RFTN1: variants seen among roughly 807,000 people sequenced by gnomAD.
RFTN1 encodes raftlin, lipid raft linker 1.
RFTN1 carries 26 observed loss-of-function variants against 46.5 expected under a neutral mutation model. That is an observed-to-expected ratio of 0.56 (90% CI 0.41 to 0.78). The LOEUF is 0.78. Ranked by LOEUF, RFTN1 falls within the 30% of genes least tolerant of loss-of-function variation. RFTN1 has a pLI of 0.00. For missense variants in RFTN1, 693 were observed against 718.7 expected (o/e 0.96, Z 0.41); for synonymous variants, 261 against 284.2 (o/e 0.92, Z 0.82).
intron 6 of RFTN1, among the ~76,000 whole-genome samples, chr3:16,362,473 T>C (rs2072896856): frequency 6.6e-6 from 1 of 152,114 alleles, no homozygotes; most frequent in Non-Finnish European, 1.5e-5. Context: ...AGCTTACTTT[T>C]TAAGTCCTGG....
Position 16,346,892 on chromosome 3 carries a change from C to A in RFTN1, c.1146+11040G>T, listed in dbSNP as rs990055915. On this transcript the variant is annotated intron_variant, in intron 7 of 9. Coordinates refer to ENST00000334133, the MANE Select transcript of RFTN1 (RefSeq NM_015150.2). The surrounding 1 kb of genome is among the most constrained non-coding windows in gnomAD (Gnocchi z 4.4). ...GCAACATCTGGATCCCTGGTGGCAT[C>A]TTTAAGCTGTTGACAAAGCTGACTC... Among the ~76,000 whole-genome samples, 1 of 152,254 alleles carries A rather than the reference C, an allele frequency of 6.6e-6. No homozygotes were observed. Among genetic ancestry groups the A allele is most frequent in the Non-Finnish European group, 1.5e-5 (1 of 68,024 alleles).
At chr3:16,434,696 G>C (rs947115665) in intron 2 of RFTN1, 20 of 151,934 alleles carry the variant, frequency 1.3e-4, no homozygotes, top group African/African-American at 4.6e-4. Flanking sequence ...GAAGGGAAAA[G>C]AAGAAAAATA....
At position 16,370,285 on chromosome 3, in the gene RFTN1, G is replaced by A; in HGVS notation, c.827-6C>T. On this transcript the variant is annotated splice_polypyrimidine_tract_variant and splice_region_variant and intron_variant, in intron 5 of 9. Coordinates refer to ENST00000334133, the MANE Select transcript of RFTN1 (RefSeq NM_015150.2). The surrounding 1 kb of genome is among the most constrained non-coding windows in gnomAD (Gnocchi z 5.5). Reference sequence around the variant, plus strand: ...AAGGGTGAAGATCTCCATTTCTGTTGGGATTTGTAAAGGGAGTGGAGAGAG... The same window carrying A: ...AAGGGTGAAGATCTCCATTTCTGTTAGGATTTGTAAAGGGAGTGGAGAGAG... 1 of 1,613,956 alleles carries A rather than the reference G, an allele frequency of 6.2e-7. No individual in the cohort carries two copies. The highest frequency in any genetic ancestry group is 1.6e-4 in the Middle Eastern group (1 of 6,062).
chr3:16,467,894 C>T (rs1198967044), intron 2 of RFTN1, among the ~76,000 whole-genome samples: 1 of 152,204 alleles, frequency 6.6e-6, no homozygotes, highest in East Asian at 1.9e-4. Context: ...CCTCACCCCA[C>T]TCGTGCATTT....
chr3:16,390,411 A>C (rs188363492), intron 4 of RFTN1, among the ~76,000 whole-genome samples: 142 of 152,328 alleles, frequency 9.3e-4, no homozygotes, highest in African/African-American at 3.1e-3. Flanking sequence ...AGGTAAGAGC[A>C]ATTTGTAACT....
At position 16,443,693 on chromosome 3, in the gene RFTN1, T is replaced by C. The variant is rs542948467; in HGVS notation, c.146-9656A>G. ...ACAATGGGAGCGGGGAAGAGTTAAG[T>C]TGTTATTGGTTTGCTCGTCATTTCA... On this transcript the variant is annotated intron_variant, in intron 2 of 9. Transcript: ENST00000334133. This position sits in a 1 kb window ranked among gnomAD's most constrained non-coding sequence, Gnocchi z 5.5. Among the ~76,000 whole-genome samples, 8 of 151,976 alleles carry C rather than the reference T, an allele frequency of 5.3e-5. No individual in the cohort carries two copies. The East Asian group carries it at 1.4e-3, about 26-fold the overall frequency.
chr3:16,497,809 A>C (rs1200911720), intron 1 of RFTN1, among the ~76,000 whole-genome samples: 1 of 152,246 alleles, frequency 6.6e-6, no homozygotes, highest in East Asian at 1.9e-4. Flanking sequence ...AGCTCCTGGT[A>C]GCCACTACCA....
In RFTN1 at chr3:16,442,374, C is replaced by G. The variant is rs1456089427; in HGVS notation, c.146-8337G>C. Among the ~76,000 whole-genome samples, 1 of 152,072 alleles carries G rather than the reference C, an allele frequency of 6.6e-6. No individual in the cohort carries two copies. The highest frequency in any genetic ancestry group is 1.9e-4 in the East Asian group (1 of 5,190). The stretch of plus-strand genomic sequence containing the variant: ...CATGTCCATTAAGCAGTTACTCTTC[C>G]CATTCCCCTCTCTCCCCGAGCCCTA... On this transcript the variant is annotated intron_variant, in intron 2 of 9. Transcript: ENST00000334133. The surrounding 1 kb of genome is among the most constrained non-coding windows in gnomAD (Gnocchi z 4.1).
intron 2 of RFTN1, among the ~76,000 whole-genome samples, chr3:16,456,307 T>A (rs917964958): frequency 1.3e-5 from 2 of 152,118 alleles, no homozygotes; most frequent in African/African-American, 4.8e-5. Flanking sequence ...CCTAGCAAGT[T>A]AGAATAAAGA....
At chr3:16,453,895 A>G (rs182026301) in intron 2 of RFTN1, among the ~76,000 whole-genome samples, 1 of 152,362 alleles carries the variant, frequency 6.6e-6, no homozygotes, top group Admixed American at 6.5e-5. Flanking sequence ...TGATATAATT[A>G]AGGCAAGCAA....
Position 16,370,168 on chromosome 3 carries a change from C to T in RFTN1, c.938G>A (p.Gly313Asp). The T allele has an allele frequency of 6.2e-7, 1 of 1,614,226 alleles. No individual in the cohort carries two copies. The change falls in exon 6 of 10, where the codon GGT (glycine) becomes GAT (aspartate). Residue 313 changes from glycine (G) to aspartate (D), a missense_variant. Transcript: ENST00000334133. The surrounding 1 kb of genome is among the most constrained non-coding windows in gnomAD (Gnocchi z 5.5). ...HVSKNGQTVS[G>D]LDANWLEHMS... ...GTGCTCTAACCAGTTGGCGTCCAAA[C>T]CGCTCACTGTCTGGCCATTCTTGGA...
Position 16,377,903 on chromosome 3 carries a change from G to T in RFTN1, c.641C>A (p.Pro214Gln). The T allele has an allele frequency of 6.2e-7, 1 of 1,614,158 alleles. No homozygotes were observed. Among genetic ancestry groups the T allele is most frequent in the Non-Finnish European group, 8.5e-7 (1 of 1,180,026 alleles). The stretch of plus-strand genomic sequence containing the variant: ...CTCTGGGCTTTGGTTTCTCCCAGCC[G>T]GAGCACTGCACACATCCCCAGTCCC... ...KPGTGDVCSA[P>Q]AGRNQSPEPS... is the part of the protein sequence containing the mutation. The change falls in exon 5 of 10, where the codon CCG becomes CAG. Residue 214 changes from proline (P) to glutamine (Q), a missense_variant. Physicochemically the swap from Pro to Gln is moderately conservative, Grantham distance 76. Transcript: ENST00000334133.
In RFTN1 at chr3:16,481,427, C is replaced by T. The variant is rs1272216885; in HGVS notation, c.145+12298G>A. 1.3e-5 allele frequency among the ~76,000 whole-genome samples: 2 copies of T among 152,160 alleles called. No individual in the cohort carries two copies. Among genetic ancestry groups the T allele is most frequent in the Non-Finnish European group, 2.9e-5 (2 of 68,014 alleles). ...ACTCTTTGCATCTTCTGTTTAAAAA[C>T]ATGGTCTGTTTTTAACACACCTCCC... On this transcript the variant is annotated intron_variant, in intron 2 of 9. Transcript: ENST00000334133. The surrounding 1 kb of genome is among the most constrained non-coding windows in gnomAD (Gnocchi z 5.1).
intron 1 of RFTN1, among the ~76,000 whole-genome samples, chr3:16,496,998 C>G (rs912475638): frequency 1.3e-5 from 2 of 152,158 alleles, no homozygotes; most frequent in Non-Finnish European, 2.9e-5. Context: ...CTTTCTTACT[C>G]CCGTTATACA....
chr3:16,461,803 T>C (rs1415610466), intron 2 of RFTN1, among the ~76,000 whole-genome samples: 3 of 152,228 alleles, frequency 2.0e-5, no homozygotes, highest in African/African-American at 7.2e-5. Context: ...TACACACACC[T>C]TAAACCATCA....
Position 16,321,144 on chromosome 3 carries a change from C to T in RFTN1, c.1332+2232G>A, listed in dbSNP as rs192871654. Among the ~76,000 whole-genome samples, 185 of 151,854 alleles carry T rather than the reference C, an allele frequency of 1.2e-3. No individual in the cohort carries two copies. Among genetic ancestry groups the T allele is most frequent in the Non-Finnish European group, 2.0e-3 (133 of 67,934 alleles). ...AATGCCATTCCTCTAGATAGGGTGG[C>T]GGTTGGCCAGGTGGGCGAGGTATGG... On this transcript the variant is annotated intron_variant, in intron 9 of 9. Coordinates refer to ENST00000334133, the MANE Select transcript of RFTN1 (RefSeq NM_015150.2). This position sits in a 1 kb window ranked among gnomAD's most constrained non-coding sequence, Gnocchi z 4.8.
rs1308471474 is a variant in RFTN1 at position 16,506,145 on chromosome 3, G to A, written c.-9+7297C>T. Among the ~76,000 whole-genome samples the A allele has an allele frequency of 6.6e-5, 10 of 152,148 alleles. No individual in the cohort carries two copies. The highest frequency in any genetic ancestry group is 1.5e-5 in the Non-Finnish European group (1 of 68,032). On this transcript the variant is annotated intron_variant, in intron 1 of 9. Coordinates refer to ENST00000334133, the MANE Select transcript of RFTN1 (RefSeq NM_015150.2). This position sits in a 1 kb window ranked among gnomAD's most constrained non-coding sequence, Gnocchi z 4.8. Reference sequence around the variant, plus strand: ...GAGGAGGTATAGTGTTTTAAATACGGGGATTGGGAAAGGCCACACCCAGAA... The same window carrying A: ...GAGGAGGTATAGTGTTTTAAATACGAGGATTGGGAAAGGCCACACCCAGAA...
At position 16,448,755 on chromosome 3, in the gene RFTN1, G is replaced by C. The variant is rs1233360114; in HGVS notation, c.146-14718C>G. Among the ~76,000 whole-genome samples, 1 of 152,040 alleles carries C rather than the reference G, an allele frequency of 6.6e-6. No homozygotes were observed. The highest frequency in any genetic ancestry group is 2.4e-5 in the African/African-American group (1 of 41,396). ...TTCCCGACCTTCTTCTGCCCCATTGGCAGGCCCCAAACATCCTCCTGAGTC... is the reference window on the plus strand; with the variant it reads ...TTCCCGACCTTCTTCTGCCCCATTGCCAGGCCCCAAACATCCTCCTGAGTC... On this transcript the variant is annotated intron_variant, in intron 2 of 9. Coordinates refer to ENST00000334133, the MANE Select transcript of RFTN1 (RefSeq NM_015150.2). The surrounding 1 kb of genome is among the most constrained non-coding windows in gnomAD (Gnocchi z 4.1).
chr3:16,510,756 G>A (rs906795853), intron 1 of RFTN1, among the ~76,000 whole-genome samples: 1 of 152,120 alleles, frequency 6.6e-6, no homozygotes, highest in East Asian at 1.9e-4. Context: ...TTTTGACCCA[G>A]CAATTTACTA....
Sources: gnomAD v4.1 joint callset for allele counts (sites outside exome capture counted in the v4.1 genomes callset) on GRCh38, gnomAD v4.1.1 for gene constraint, Gnocchi (gnomAD v3.1) non-coding constraint, MANE v1.5 for transcripts, NCBI Gene and HGNC (gene_info 2026-07-23, HGNC 2026-07-21) for gene names.